The following CNTNAP2 variants were observed in gnomAD, a reference collection of about 807,000 sequenced individuals.
CNTNAP2 encodes the protein contactin-associated protein-like 2.
CNTNAP2 carries 98 observed loss-of-function variants against 155.2 expected under a neutral mutation model. The ratio of observed to expected loss-of-function variants is 0.63; its 90% CI spans 0.54 to 0.75. The LOEUF (loss-of-function observed/expected upper bound fraction) is 0.75. Ranked by LOEUF, CNTNAP2 falls within the 30% of genes least tolerant of loss-of-function variation. The probability of loss-of-function intolerance (pLI) is 0.00; values close to 1 mark genes in which losing one functional copy is unlikely to be tolerated. For synonymous variants in CNTNAP2, 651 were observed against 631.2 expected, an observed-to-expected ratio of 1.03 and a Z score of -0.47; for missense variants, 1,727 against 1,688.1, an observed-to-expected ratio of 1.02 and a Z score of -0.40.
chr7:146,534,904 C>T lies in CNTNAP2; in HGVS notation c.98-239367C>T, dbSNP rs190079723. ...TAGCTCATAAACAAAAATAGTATCA[C>T]TTAATGATTAGGCATAAAATTGCTG... On this transcript the variant is annotated intron_variant, in intron 1 of 23. Coordinates refer to ENST00000361727, the MANE Select transcript of CNTNAP2 (RefSeq NM_014141.6). Among the ~76,000 whole-genome samples the T allele has an allele frequency of 3.9e-3, 577 of 148,894 alleles. 3 individuals are homozygous for T. Among genetic ancestry groups the T allele is most frequent in the African/African-American group, 0.012 (487 of 40,348 alleles).
chr7:147,193,572 G>C (rs1156541475), intron 8 of CNTNAP2, among the ~76,000 whole-genome samples: 1 of 152,130 alleles, frequency 6.6e-6, no homozygotes, highest in Non-Finnish European at 1.5e-5. Flanking sequence ...GAGGCACACA[G>C]AGCATTGAGG....
chr7:146,859,599 G>A (rs1484111837), intron 3 of CNTNAP2, among the ~76,000 whole-genome samples: 3 of 152,058 alleles, frequency 2.0e-5, no homozygotes, highest in Non-Finnish European at 4.4e-5. Flanking sequence ...AGAAGTTGCA[G>A]TGGGCCAAGA....
chr7:147,552,434 A>G (rs1296944346), intron 11 of CNTNAP2, among the ~76,000 whole-genome samples: 1 of 151,912 alleles, frequency 6.6e-6, no homozygotes, highest in African/African-American at 2.4e-5. Flanking sequence ...GAATCATAGA[A>G]TGACTTTAAA....
intron 1 of CNTNAP2, among the ~76,000 whole-genome samples, chr7:146,650,103 A>C (rs1396731283): frequency 1.3e-5 from 2 of 152,062 alleles, no homozygotes; most frequent in Non-Finnish European, 2.9e-5. Context: ...GTGGGAGTGT[A>C]ATTTGTCTTA....
At chr7:146,680,323 A>G (rs1314706601) in intron 1 of CNTNAP2, among the ~76,000 whole-genome samples, 3 of 152,190 alleles carry the variant, frequency 2.0e-5, no homozygotes, top group Admixed American at 1.3e-4. Context: ...AAAGCAAACA[A>G]AACCCCTAAA....
At chr7:147,006,027 G>A (rs1798517804) in intron 3 of CNTNAP2, among the ~76,000 whole-genome samples, 1 of 151,798 alleles carries the variant, frequency 6.6e-6, no homozygotes, top group Non-Finnish European at 1.5e-5. Flanking sequence ...TCTGGCTGGA[G>A]CCCTGTAAAT....
At chr7:147,419,098 G>A (rs1213175791) in intron 10 of CNTNAP2, among the ~76,000 whole-genome samples, 1 of 152,116 alleles carries the variant, frequency 6.6e-6, no homozygotes, top group African/African-American at 2.4e-5. Flanking sequence ...GCATTCAAAG[G>A]TTGAATCCAT....
chr7:148,033,776 C>T lies in CNTNAP2; in HGVS notation c.2383+55787C>T, dbSNP rs554527598. On this transcript the variant is annotated intron_variant, in intron 15 of 23. Coordinates refer to ENST00000361727, the MANE Select transcript of CNTNAP2 (RefSeq NM_014141.6). ...GTATGTGCAAGTGTATGTGCATATA[C>T]GTATACACACAGAGAGAGGCTTTGA... Among the ~76,000 whole-genome samples the T allele has an allele frequency of 1.6e-4, 25 of 152,208 alleles. No individual in the cohort carries two copies. The South Asian group carries it at 4.6e-3, about 28-fold the overall frequency.
At chr7:146,263,281 GGAAGGAAGGA>G (rs1799947623) in intron 1 of CNTNAP2, among the ~76,000 whole-genome samples, 2 of 146,542 alleles carry the variant, frequency 1.4e-5, no homozygotes, top group African/African-American at 5.5e-5. Flanking sequence ...GAGGGAGGAA[GGAAGGAAGGA>G]AGGAAGGACG....
intron 3 of CNTNAP2, among the ~76,000 whole-genome samples, chr7:146,852,869 CGTT>C (rs1554401006): frequency 2.0e-4 from 30 of 152,280 alleles, no homozygotes; most frequent in Non-Finnish European, 1.5e-5. Flanking sequence ...AGGGTGAAGT[CGTT>C]GTTTATCTTA....
intron 22 of CNTNAP2, among the ~76,000 whole-genome samples, chr7:148,386,106 T>C (rs1387014047): frequency 1.3e-5 from 2 of 152,230 alleles, no homozygotes; most frequent in Non-Finnish European, 2.9e-5. Context: ...AATTCTGATA[T>C]TATGGTAGGC....
At chr7:147,516,183 A>T (rs956661417) in intron 11 of CNTNAP2, among the ~76,000 whole-genome samples, 4 of 152,206 alleles carry the variant, frequency 2.6e-5, no homozygotes, top group African/African-American at 9.6e-5. Flanking sequence ...AAAATGCACA[A>T]ATATTTCCAG....
intron 1 of CNTNAP2, among the ~76,000 whole-genome samples, chr7:146,758,387 G>A (rs577668769): frequency 5.1e-4 from 77 of 152,254 alleles, no homozygotes; most frequent in African/African-American, 1.8e-3. Flanking sequence ...GTTATCCCAG[G>A]TGTGGTGCTC....
At chr7:148,008,216 A>C (rs1232856180) in intron 15 of CNTNAP2, among the ~76,000 whole-genome samples, 2 of 151,694 alleles carry the variant, frequency 1.3e-5, no homozygotes, top group East Asian at 1.9e-4. Context: ...ACAAAAAAAA[A>C]AAAAAATTAG....
intron 3 of CNTNAP2, among the ~76,000 whole-genome samples, chr7:147,008,485 A>G (rs1366960686): frequency 6.6e-6 from 1 of 152,112 alleles, no homozygotes. Flanking sequence ...CTCTATTCAT[A>G]TTAGGTTTAT....
chr7:147,117,896 G>A (rs566187221), intron 5 of CNTNAP2, among the ~76,000 whole-genome samples: 33 of 151,842 alleles, frequency 2.2e-4, no homozygotes, highest in Non-Finnish European at 3.8e-4. Context: ...CACAAAATTC[G>A]CCATCACTTA....
chr7:147,132,150 T>G (rs1301267502), intron 7 of CNTNAP2, 95 bp from the exon 8 acceptor site: 2 of 1,529,146 alleles, frequency 1.3e-6, no homozygotes, highest in African/African-American at 2.7e-5. Flanking sequence ...CAGGCTGTGC[T>G]TCAAAACTTG....
At chr7:148,110,803 G>T (rs2116596960) in intron 15 of CNTNAP2, among the ~76,000 whole-genome samples, 1 of 152,222 alleles carries the variant, frequency 6.6e-6, no homozygotes, top group East Asian at 1.9e-4. Flanking sequence ...GGAAGTGGGG[G>T]TTCACACTCC....
At chr7:146,347,434 T>A (rs1794836438) in intron 1 of CNTNAP2, among the ~76,000 whole-genome samples, 1 of 152,204 alleles carries the variant, frequency 6.6e-6, no homozygotes, top group African/African-American at 2.4e-5. Flanking sequence ...AGTCATCTTG[T>A]CAAGCTTCTG....
Sources: allele counts gnomAD v4.1 joint callset (sites outside exome capture counted in the v4.1 genomes callset), GRCh38; gene constraint gnomAD v4.1.1; transcripts MANE v1.5; gene names NCBI Gene and HGNC (gene_info 2026-07-23, HGNC 2026-07-21).